The following NDRG1 variants were observed in gnomAD, a reference collection of about 807,000 sequenced individuals.
NDRG1 encodes protein NDRG1.
A neutral mutation model predicts 56.9 loss-of-function variants in NDRG1; 32 were observed. That is an observed-to-expected ratio of 0.56 (90% CI 0.42 to 0.76). The LOEUF (loss-of-function observed/expected upper bound fraction) is 0.76. Among genes scored for constraint, NDRG1 ranks in the 30% least tolerant of loss-of-function variants. The pLI is 0.00. For missense variants in NDRG1, 507 were observed against 545.7 expected, an observed-to-expected ratio of 0.93 and a Z score of 0.71; for synonymous variants, 211 against 204.1, an observed-to-expected ratio of 1.03 and a Z score of -0.29.
chr8:133,287,777 C>G (rs1010690439), intron 1 of NDRG1, among the ~76,000 whole-genome samples: 3 of 152,232 alleles, frequency 2.0e-5, no homozygotes, highest in Non-Finnish European at 1.5e-5. Context: ...CAGCATACAC[C>G]CCACGCTGCG....
At chr8:133,258,586 T>G (rs1047217122) in intron 6 of NDRG1, among the ~76,000 whole-genome samples, 160 bp from the exon 7 acceptor site, 1 of 152,224 alleles carries the variant, frequency 6.6e-6, no homozygotes, top group Non-Finnish European at 1.5e-5. Flanking sequence ...GCTTTAGGAC[T>G]GGACAGAGAC....
rs1033465087 is a variant in NDRG1, at chr8:133,246,676, G to A, written c.808-13C>T. ...AGTTGCACTCCACCTGCACAAGAGGGAGGAAATCTGTTAATTTTCTACGTG... is the reference window on the plus strand; with the variant it reads ...AGTTGCACTCCACCTGCACAAGAGGAAGGAAATCTGTTAATTTTCTACGTG... On this transcript the variant is annotated splice_polypyrimidine_tract_variant and intron_variant, in intron 12 of 15. Coordinates refer to ENST00000323851, the MANE Select transcript of NDRG1 (RefSeq NM_006096.4). 6.2e-6 allele frequency: 10 copies of A among 1,613,832 alleles called. No individual in the cohort carries two copies. Among genetic ancestry groups the A allele is most frequent in the South Asian group, 1.1e-5 (1 of 91,078 alleles).
intron 2 of NDRG1, among the ~76,000 whole-genome samples, chr8:133,283,985 G>A (rs773522046): frequency 2.6e-5 from 4 of 152,234 alleles, no homozygotes; most frequent in East Asian, 1.9e-4. Flanking sequence ...CCCAGCCCTC[G>A]ATCCTATGGG....
At chr8:133,269,016 A>G (rs1005275247) in intron 3 of NDRG1, among the ~76,000 whole-genome samples, 4 of 152,326 alleles carry the variant, frequency 2.6e-5, no homozygotes, top group African/African-American at 9.6e-5. Context: ...TTCAGTCCCA[A>G]AGGAATGTTC....
rs538964895 is a variant in NDRG1 at position 133,237,796 on chromosome 8, T to C, written c.*1082A>G. On this transcript the variant is annotated 3_prime_UTR_variant, in exon 16 of 16. Coordinates refer to ENST00000323851, the MANE Select transcript of NDRG1 (RefSeq NM_006096.4). ...CACGTTCCAGCCCAGCTGTCGAAGA[T>C]TGAAAACTGGATTTAAGCCAATCAC... 3.6e-5 allele frequency: 8 copies of C among 224,778 alleles called. No homozygotes were observed. Among genetic ancestry groups the C allele is most frequent in the East Asian group, 1.3e-4 (2 of 15,900 alleles). 13.9% of individuals were successfully genotyped at this position (224,778 alleles called of 1,614,324 possible). A position where few individuals can be genotyped will look rare whatever the true frequency, so the allele number is the denominator to read the frequency against.
chr8:133,279,718 G>A (rs755542751), intron 3 of NDRG1, among the ~76,000 whole-genome samples: 21 of 152,188 alleles, frequency 1.4e-4, no homozygotes, highest in Non-Finnish European at 5.9e-5. Flanking sequence ...CCCAGCCCTC[G>A]GCTGAGAGAG....
intron 14 of NDRG1, 54 bp from the exon 15 acceptor site, chr8:133,242,128 C>T (rs1205561934): frequency 1.3e-5 from 21 of 1,592,258 alleles, no homozygotes; most frequent in South Asian, 1.2e-4. Flanking sequence ...CCAGATCACC[C>T]GAGGCCATGG....
chr8:133,246,763 G>T, intron 12 of NDRG1, 100 bp from the exon 13 acceptor site: 2 of 1,090,202 alleles, frequency 1.8e-6, no homozygotes, highest in Non-Finnish European at 2.8e-6. Context: ...AGAAACTCCA[G>T]TATTTCTGCT....
Position 133,262,186 on chromosome 8 carries a change from GGA to G in NDRG1, c.206-21_206-20del. 6.2e-7 allele frequency: 1 copy of G among 1,613,956 alleles called. No homozygotes were observed. Among genetic ancestry groups the G allele is most frequent in the African/African-American group, 1.3e-5 (1 of 74,990 alleles). ...GTTTTGTCTGAAGAACAGCAGTGAG[GGA>G]GAGAAGAGAAAAAAGTAAGATGAGA... On this transcript the variant is annotated intron_variant, in intron 4 of 15. Transcript: ENST00000323851.
chr8:133,244,771 T>C, intron 13 of NDRG1: 2 of 373,352 alleles, frequency 5.4e-6, no homozygotes, highest in Non-Finnish European at 1.0e-5. Flanking sequence ...AAGGGTTTGA[T>C]AAACAAGACC....
At chr8:133,279,332 T>C (rs1857647962) in intron 3 of NDRG1, among the ~76,000 whole-genome samples, 1 of 152,228 alleles carries the variant, frequency 6.6e-6, no homozygotes, top group Admixed American at 6.5e-5. Flanking sequence ...TCCCATCCTT[T>C]CCTTTCCTTC....
At position 133,238,468 on chromosome 8, in the gene NDRG1, G is replaced by A. The variant is rs921424320; in HGVS notation, c.*410C>T. 1.8e-5 allele frequency: 5 copies of A among 274,808 alleles called. No individual in the cohort carries two copies. The Admixed American group carries it at 2.4e-4, about 13-fold the overall frequency. 17.0% of individuals were successfully genotyped at this position (274,808 alleles called of 1,614,324 possible). ...CTGGATCAGCTTCTCCTCAGTTAAA[G>A]AGGAAACGGGAAGTGGGCGGCTGGC... is the stretch of plus-strand genomic sequence containing the variant. On this transcript the variant is annotated 3_prime_UTR_variant, in exon 16 of 16. Coordinates refer to ENST00000323851, the MANE Select transcript of NDRG1 (RefSeq NM_006096.4).
intron 3 of NDRG1, among the ~76,000 whole-genome samples, chr8:133,265,765 T>C (rs1295555323): frequency 6.6e-6 from 1 of 151,878 alleles, no homozygotes; most frequent in Admixed American, 6.6e-5. Context: ...ATCTGTCACC[T>C]GCCATGTTCA....
At position 133,247,806 on chromosome 8, in the gene NDRG1, A is replaced by C. The variant is rs550140172; in HGVS notation, c.807+69T>G. On this transcript the variant is annotated intron_variant, in intron 12 of 15. Coordinates refer to ENST00000323851, the MANE Select transcript of NDRG1 (RefSeq NM_006096.4). ...GAGGAGAGGAGGGGCAGGCAGGGCCACTTCAACAAAGTCAACCAGACTTTG... is the reference window on the plus strand; with the variant it reads ...GAGGAGAGGAGGGGCAGGCAGGGCCCCTTCAACAAAGTCAACCAGACTTTG... 5.9e-6 allele frequency: 9 copies of C among 1,537,906 alleles called. No homozygotes were observed. The Admixed American group carries it at 1.5e-4, about 26-fold the overall frequency.
chr8:133,262,775 G>C (rs12678229), intron 4 of NDRG1, among the ~76,000 whole-genome samples: 1 of 151,910 alleles, frequency 6.6e-6, no homozygotes, highest in Non-Finnish European at 1.5e-5. Flanking sequence ...GTTTCTGGCC[G>C]ATAGCCTGTG....
intron 3 of NDRG1, among the ~76,000 whole-genome samples, chr8:133,265,291 G>A (rs1856860278): frequency 6.6e-6 from 1 of 152,196 alleles, no homozygotes; most frequent in South Asian, 2.1e-4. Flanking sequence ...AGTAATTGGG[G>A]AACTGGATCG....
At chr8:133,258,600 G>T (rs899934258) in intron 6 of NDRG1, among the ~76,000 whole-genome samples, 174 bp from the exon 7 acceptor site, 3 of 152,160 alleles carry the variant, frequency 2.0e-5, no homozygotes, top group Non-Finnish European at 4.4e-5. Context: ...CAGAGACCTC[G>T]ACCTTGGAGA....
At chr8:133,249,014 T>C (rs1230239689) in intron 10 of NDRG1, among the ~76,000 whole-genome samples, 2 of 152,170 alleles carry the variant, frequency 1.3e-5, no homozygotes, top group East Asian at 3.9e-4. Context: ...TCACAAATAT[T>C]TGTGGGGCTT....
rs1435519908 is a variant in NDRG1 at position 133,261,994 on chromosome 8, C to A, written c.326+53G>T. 1.9e-6 allele frequency: 3 copies of A among 1,539,428 alleles called. No individual in the cohort carries two copies. The African/African-American group carries it at 4.2e-5, about 21-fold the overall frequency. ...AAAAGAGCAAAGCACCTGAACCCCT[C>A]CCCGACACCCAGTTTCCACCCTGTA... On this transcript the variant is annotated intron_variant, in intron 5 of 15. Transcript: ENST00000323851.
Sources: gnomAD v4.1 joint callset for allele counts (sites outside exome capture counted in the v4.1 genomes callset) on GRCh38, gnomAD v4.1.1 for gene constraint, MANE v1.5 for transcripts, NCBI Gene and HGNC (gene_info 2026-07-23, HGNC 2026-07-21) for gene names.